The following KCNIP4 variants were observed in gnomAD, a reference collection of about 807,000 sequenced individuals.
KCNIP4 encodes the protein Kv channel-interacting protein 4.
A neutral mutation model predicts 34.0 loss-of-function variants in KCNIP4; 12 were observed. The observed-to-expected ratio is 0.35, with a 90% CI of 0.23 to 0.57. The LOEUF is 0.57. KCNIP4 is among the 20% of genes least tolerant of loss of function. The pLI is 0.83. For synonymous variants in KCNIP4, 124 were observed against 102.2 expected, an observed-to-expected ratio of 1.21 and a Z score of -1.29; for missense variants, 238 against 311.7, an observed-to-expected ratio of 0.76 and a Z score of 1.78.
chr4:21,017,781 T>C (rs771486161), intron 1 of KCNIP4, among the ~76,000 whole-genome samples: 29 of 152,178 alleles, frequency 1.9e-4, no homozygotes, highest in African/African-American at 2.9e-4. Flanking sequence ...TCTTCTATGA[T>C]GGTTGAACTA....
chr4:21,198,212 TG>T (rs1210590457), intron 1 of KCNIP4, among the ~76,000 whole-genome samples: 3 of 152,170 alleles, frequency 2.0e-5, no homozygotes, highest in African/African-American at 7.2e-5. Context: ...CAGGAGGACA[TG>T]TTTTCTAAAC....
At chr4:21,726,096 G>A (rs142102229) in intron 1 of KCNIP4, among the ~76,000 whole-genome samples, 4 of 152,276 alleles carry the variant, frequency 2.6e-5, no homozygotes, top group South Asian at 2.1e-4. Flanking sequence ...ACAGTAGGAA[G>A]TCTAAGGATA....
At chr4:21,006,272 C>T (rs1271882109) in intron 1 of KCNIP4, among the ~76,000 whole-genome samples, 1 of 152,176 alleles carries the variant, frequency 6.6e-6, no homozygotes, top group Non-Finnish European at 1.5e-5. Flanking sequence ...AATTTAGATG[C>T]TCCATAAATT....
chr4:21,559,049 C>T (rs1378259902), intron 1 of KCNIP4, among the ~76,000 whole-genome samples: 1 of 152,128 alleles, frequency 6.6e-6, no homozygotes, highest in African/African-American at 2.4e-5. Flanking sequence ...CCTTAATTTA[C>T]ATATAAACTT....
intron 1 of KCNIP4, among the ~76,000 whole-genome samples, chr4:21,876,072 G>T (rs1405383499): frequency 6.6e-6 from 1 of 151,746 alleles, no homozygotes; most frequent in Non-Finnish European, 1.5e-5. Context: ...GCTTTCCAAT[G>T]AATAAAAGAA....
intron 1 of KCNIP4, among the ~76,000 whole-genome samples, chr4:21,262,853 T>C (rs1761560377): frequency 6.6e-6 from 1 of 152,244 alleles, no homozygotes; most frequent in South Asian, 2.1e-4. Flanking sequence ...CTTGTCTATA[T>C]CTCTCATTCA....
At chr4:21,487,394 T>C (rs1440181509) in intron 1 of KCNIP4, among the ~76,000 whole-genome samples, 1 of 152,198 alleles carries the variant, frequency 6.6e-6, no homozygotes, top group African/African-American at 2.4e-5. Context: ...TTACATCCCA[T>C]CATGTCAAGG....
intron 1 of KCNIP4, among the ~76,000 whole-genome samples, chr4:21,011,384 A>C (rs1247258797): frequency 6.6e-6 from 1 of 152,180 alleles, no homozygotes; most frequent in South Asian, 2.1e-4. Context: ...TTGTTCTGAA[A>C]GTCTTTGAAG....
chr4:21,071,809 C>A (rs1016040237), intron 1 of KCNIP4, among the ~76,000 whole-genome samples: 5 of 152,094 alleles, frequency 3.3e-5, no homozygotes, highest in Admixed American at 3.3e-4. Context: ...TACCCCACAA[C>A]AGTCCCCGGT....
At chr4:20,806,359 C>T (rs954184616) in intron 3 of KCNIP4, among the ~76,000 whole-genome samples, 2 of 151,788 alleles carry the variant, frequency 1.3e-5, no homozygotes, top group Non-Finnish European at 2.9e-5. Context: ...TATTTCTGTA[C>T]TATGTTCTTG....
chr4:21,649,997 C>T (rs1503990), intron 1 of KCNIP4, among the ~76,000 whole-genome samples: 67,099 of 152,096 alleles, frequency 0.44, 15,319 homozygotes, highest in African/African-American at 0.49. Flanking sequence ...TCCATCCTCA[C>T]GTGAAACCAT....
chr4:20,941,763 CAGAG>C (rs1288604514), intron 1 of KCNIP4, among the ~76,000 whole-genome samples: 1 of 152,044 alleles, frequency 6.6e-6, no homozygotes, highest in African/African-American at 2.4e-5. Flanking sequence ...ATATATCTTC[CAGAG>C]AGTGAGGAGG....
At chr4:21,218,268 G>A (rs1047013602) in intron 1 of KCNIP4, among the ~76,000 whole-genome samples, 2 of 151,978 alleles carry the variant, frequency 1.3e-5, no homozygotes, top group African/African-American at 2.4e-5. Context: ...ACCCGCCTCG[G>A]CCTTCCAAAG....
intron 1 of KCNIP4, among the ~76,000 whole-genome samples, chr4:21,395,085 G>A (rs1030946994): frequency 2.4e-4 from 36 of 152,272 alleles, no homozygotes; most frequent in Non-Finnish European, 4.7e-4. Context: ...GAACCCCAGA[G>A]TTGGTATGAA....
At chr4:21,475,279 A>G (rs984008231) in intron 1 of KCNIP4, among the ~76,000 whole-genome samples, 2 of 152,272 alleles carry the variant, frequency 1.3e-5, no homozygotes, top group African/African-American at 4.8e-5. Flanking sequence ...TTTACTCCCA[A>G]AGGTACACTG....
intron 1 of KCNIP4, among the ~76,000 whole-genome samples, chr4:21,227,301 T>C (rs909895803): frequency 6.6e-6 from 1 of 152,170 alleles, no homozygotes; most frequent in Non-Finnish European, 1.5e-5. Flanking sequence ...GCTCAGAATC[T>C]CGCAAACCAA....
At chr4:21,784,468 C>G (rs1719773086) in intron 1 of KCNIP4, among the ~76,000 whole-genome samples, 2 of 151,386 alleles carry the variant, frequency 1.3e-5, no homozygotes, top group Non-Finnish European at 2.9e-5. Context: ...TAAAGAAAAA[C>G]AAGGAGTTAT....
intron 1 of KCNIP4, among the ~76,000 whole-genome samples, chr4:21,640,936 ACCAAAGC>A (rs1389144909): frequency 1.3e-5 from 2 of 152,148 alleles, no homozygotes; most frequent in African/African-American, 4.8e-5. Flanking sequence ...AGAATTTCAG[ACCAAAGC>A]CCTGCCACTC....
At position 21,527,809 on chromosome 4, in the gene KCNIP4, C is replaced by G. The variant is rs549465586; in HGVS notation, c.61+420762G>C. Among the ~76,000 whole-genome samples the G allele has an allele frequency of 5.3e-5, 8 of 152,232 alleles. No individual in the cohort carries two copies. The East Asian group carries it at 7.7e-4, about 15-fold the overall frequency. On this transcript the variant is annotated intron_variant, in intron 1 of 8. Transcript: ENST00000382152. ...TATAATCAGACTTTGCAAATTCAATCTGAATTTCTTTCTAATTAGTCAAAA... is the reference window on the plus strand; with the variant it reads ...TATAATCAGACTTTGCAAATTCAATGTGAATTTCTTTCTAATTAGTCAAAA...
Sources: gnomAD v4.1 joint callset for allele counts (sites outside exome capture counted in the v4.1 genomes callset) on GRCh38, gnomAD v4.1.1 for gene constraint, MANE v1.5 for transcripts, NCBI Gene and HGNC (gene_info 2026-07-23, HGNC 2026-07-21) for gene names.